The following UNC13C variants were observed in gnomAD, a reference collection of about 807,000 sequenced individuals.
UNC13C encodes unc-13 homolog C.
Under a neutral mutation model 245.4 loss-of-function variants are expected in UNC13C, and 174 were observed. The observed-to-expected ratio is 0.71, with a 90% CI of 0.63 to 0.80. The LOEUF (loss-of-function observed/expected upper bound fraction) is 0.80, where lower values mean the gene tolerates loss of function less well. Among genes scored for constraint, UNC13C ranks in the 30% least tolerant of loss-of-function variants. The pLI is 0.00. For missense variants in UNC13C, 2,829 were observed against 2,602.9 expected (o/e 1.09, Z -1.89); for synonymous variants, 992 against 895.1 (o/e 1.11, Z -1.93).
intron 2 of UNC13C, among the ~76,000 whole-genome samples, chr15:54,070,075 G>T (rs1898248988): frequency 6.6e-6 from 1 of 152,166 alleles, no homozygotes; most frequent in Non-Finnish European, 1.5e-5. Flanking sequence ...TTCTGATTTA[G>T]GTCTGTTGGA....
chr15:54,517,072 T>C (rs1895013399), intron 24 of UNC13C, among the ~76,000 whole-genome samples: 1 of 152,156 alleles, frequency 6.6e-6, no homozygotes, highest in Admixed American at 6.5e-5. Flanking sequence ...TGCTTGAATT[T>C]TATATGTAAT....
chr15:54,033,965 C>T (rs1595743982), intron 2 of UNC13C, among the ~76,000 whole-genome samples: 1 of 152,156 alleles, frequency 6.6e-6, no homozygotes, highest in East Asian at 1.9e-4. Context: ...GAATTTAGTC[C>T]AACTTTGCTG....
chr15:54,060,283 C>G (rs1449291729), intron 2 of UNC13C, among the ~76,000 whole-genome samples: 1 of 152,094 alleles, frequency 6.6e-6, no homozygotes, highest in Non-Finnish European at 1.5e-5. Context: ...AAAAAACAAA[C>G]AACCCCATCA....
intron 14 of UNC13C, among the ~76,000 whole-genome samples, chr15:54,326,491 C>G (rs2038300759): frequency 6.6e-6 from 1 of 151,876 alleles, no homozygotes; most frequent in South Asian, 2.1e-4. Context: ...TGGATTGACT[C>G]TAGGCTGAAA....
intron 17 of UNC13C, among the ~76,000 whole-genome samples, chr15:54,349,168 G>A (rs1323358413): frequency 6.7e-6 from 1 of 149,320 alleles, no homozygotes; most frequent in African/African-American, 2.4e-5. Flanking sequence ...TAGAATAAAT[G>A]TTATGAAAAG....
intron 2 of UNC13C, among the ~76,000 whole-genome samples, chr15:54,075,083 T>A (rs1898524637): frequency 6.6e-6 from 1 of 152,174 alleles, no homozygotes; most frequent in African/African-American, 2.4e-5. Flanking sequence ...GCAATTTCTA[T>A]ATCTGTAAAA....
chr15:54,054,989 G>A (rs1046702201), intron 2 of UNC13C, among the ~76,000 whole-genome samples: 5 of 152,022 alleles, frequency 3.3e-5, no homozygotes, highest in Admixed American at 6.6e-5. Flanking sequence ...TGTTTGATCA[G>A]GATGACAAAA....
chr15:53,877,173 G>A, the UNC13C span, among the ~76,000 whole-genome samples: 1,060 of 152,262 alleles, frequency 7.0e-3, 8 homozygotes, highest in African/African-American at 0.024. Flanking sequence ...CCAAAAATCC[G>A]TGTTAATAAG....
At chr15:53,988,548 G>A (rs1894247211) in intron 1 of UNC13C, among the ~76,000 whole-genome samples, 2 of 151,870 alleles carry the variant, frequency 1.3e-5, no homozygotes, top group Admixed American at 1.3e-4. Context: ...TTTGGGGGAA[G>A]GAAATATGAA....
chr15:54,250,362 A>G lies in UNC13C; in HGVS notation c.3366A>G (p.Ala1122=). The change falls in exon 8 of 33, where the codon GCA becomes GCG. Residue 1122 remains alanine (A), a synonymous_variant. Transcript: ENST00000260323. The stretch of plus-strand genomic sequence containing the variant: ...GTGAAGGGCTCCTGTGGGGCATTGC[A>G]AGGCAAGGCATGAAGTGTCTGGAGT... The part of the protein sequence containing the change: ...YECEGLLWGI[A]RQGMKCLECG... 1 of 1,613,908 alleles carries G rather than the reference A, an allele frequency of 6.2e-7. No homozygotes were observed. Among genetic ancestry groups the G allele is most frequent in the Non-Finnish European group, 8.5e-7 (1 of 1,179,860 alleles).
intron 28 of UNC13C, among the ~76,000 whole-genome samples, chr15:54,552,524 TATA>T (rs1356078130): frequency 0.071 from 559 of 7,826 alleles, 24 homozygotes; most frequent in Non-Finnish European, 0.088. Context: ...ATATATTATA[TATA>T]ATAATATAAT....
intron 10 of UNC13C, among the ~76,000 whole-genome samples, chr15:54,276,336 G>A (rs1567153166): frequency 6.6e-6 from 1 of 151,984 alleles, no homozygotes; most frequent in Non-Finnish European, 1.5e-5. Context: ...AAAAAACTCT[G>A]ACAAAAAATA....
intron 2 of UNC13C, among the ~76,000 whole-genome samples, chr15:54,082,274 C>T (rs1287194478): frequency 2.6e-5 from 4 of 152,066 alleles, no homozygotes; most frequent in South Asian, 2.1e-4. Context: ...TATAGTATCT[C>T]GCAGGTGTTC....
intron 2 of UNC13C, among the ~76,000 whole-genome samples, chr15:54,082,646 C>G (rs1899015332): frequency 6.6e-6 from 1 of 152,134 alleles, no homozygotes; most frequent in African/African-American, 2.4e-5. Context: ...AAAACACTGT[C>G]TTTTTGTACT....
At chr15:54,216,977 C>G (rs77244211) in intron 4 of UNC13C, among the ~76,000 whole-genome samples, 1 of 151,896 alleles carries the variant, frequency 6.6e-6, no homozygotes, top group African/African-American at 2.4e-5. Context: ...AAGAGATCAT[C>G]AGGTTACTTT....
chr15:53,858,961 A>C, the UNC13C span, among the ~76,000 whole-genome samples: 23 of 87,378 alleles, frequency 2.6e-4, no homozygotes, highest in Non-Finnish European at 4.5e-4. Flanking sequence ...AATATTAAAA[A>C]TTATTGTGTT....
At chr15:54,294,208 C>A in intron 11 of UNC13C, 144 bp downstream of exon 11, 2 of 706,218 alleles carry the variant, frequency 2.8e-6, no homozygotes, top group Non-Finnish European at 4.1e-6. Context: ...ATTTCATTGA[C>A]AAGAAAAGGC....
At chr15:54,586,262 T>C (rs961900085) in intron 30 of UNC13C, among the ~76,000 whole-genome samples, 37 of 152,236 alleles carry the variant, frequency 2.4e-4, no homozygotes, top group African/African-American at 8.9e-4. Context: ...ATATTAGTCA[T>C]ATATTCCTTA....
chr15:54,249,005 C>T (rs755150146), intron 7 of UNC13C, among the ~76,000 whole-genome samples: 5 of 152,162 alleles, frequency 3.3e-5, no homozygotes, highest in Non-Finnish European at 5.9e-5. Context: ...AATATAAATG[C>T]TTCCCTTCTA....
Sources: gnomAD v4.1 joint callset for allele counts (sites outside exome capture counted in the v4.1 genomes callset) on GRCh38, gnomAD v4.1.1 for gene constraint, MANE v1.5 for transcripts, NCBI Gene and HGNC (gene_info 2026-07-23, HGNC 2026-07-21) for gene names.